The following AKR1D1 variants were observed in gnomAD, a reference collection of about 807,000 sequenced individuals.
The protein encoded by AKR1D1 is aldo-keto reductase family 1 member D1, also known as delta(4)-3-ketosteroid 5-beta-reductase.
AKR1D1 carries 32 observed loss-of-function variants against 42.6 expected under a neutral mutation model. The ratio of observed to expected loss-of-function variants is 0.75; its 90% CI spans 0.57 to 1.01. The LOEUF (loss-of-function observed/expected upper bound fraction) is 1.01, where lower values mean the gene tolerates loss of function less well. AKR1D1 is among the 50% of genes least tolerant of loss of function. AKR1D1 has a pLI of 0.00. For synonymous variants in AKR1D1, 123 were observed against 135.5 expected (o/e 0.91, Z 0.64); for missense variants, 364 against 402.2 (o/e 0.91, Z 0.81).
chr7:138,085,054 C>CAAAAA lies in AKR1D1; in HGVS notation c.94-3529_94-3525dup, dbSNP rs58253168. Among the ~76,000 whole-genome samples, 444 of 70,476 alleles carry CAAAAA rather than the reference C, an allele frequency of 6.3e-3. 31 individuals carry two copies. Among genetic ancestry groups the CAAAAA allele is most frequent in the African/African-American group, 0.02 (320 of 16,320 alleles). 46.2% of individuals were successfully genotyped at this position (70,476 alleles called of 152,430 possible). ...CTGGTGACAGAGTGAGACTCCGTCT[C>CAAAAA]AAAAAAAAAAAAAAAAAAAAAAGAA... On this transcript the variant is annotated intron_variant, in intron 1 of 8. Transcript: ENST00000242375.
chr7:138,086,493 T>C (rs972832373), intron 1 of AKR1D1, among the ~76,000 whole-genome samples: 1 of 152,244 alleles, frequency 6.6e-6, no homozygotes, highest in African/African-American at 2.4e-5. Flanking sequence ...ATGAATCTTA[T>C]AATATCATCT....
intron 4 of AKR1D1, among the ~76,000 whole-genome samples, chr7:138,104,098 A>G (rs1326935313): frequency 1.3e-5 from 2 of 152,148 alleles, no homozygotes; most frequent in Non-Finnish European, 2.9e-5. Context: ...AGATCCCACC[A>G]CAGCACTCCA....
intron 3 of AKR1D1, among the ~76,000 whole-genome samples, chr7:138,092,141 A>G (rs1794096709): frequency 6.6e-6 from 1 of 152,226 alleles, no homozygotes; most frequent in Admixed American, 6.5e-5. Flanking sequence ...TCTGACAAAT[A>G]CCCGAGAAGA....
chr7:138,100,287 T>A (rs901698376), intron 4 of AKR1D1, among the ~76,000 whole-genome samples: 10 of 151,762 alleles, frequency 6.6e-5, no homozygotes, highest in African/African-American at 2.4e-4. Flanking sequence ...AGATTTAAAC[T>A]CACTAATATC....
intron 7 of AKR1D1, among the ~76,000 whole-genome samples, chr7:138,107,846 A>G (rs559973060): frequency 3.3e-5 from 5 of 151,852 alleles, no homozygotes; most frequent in Admixed American, 6.6e-5. Flanking sequence ...TTTTTGTTTT[A>G]AATTTTTTTT....
intron 7 of AKR1D1, among the ~76,000 whole-genome samples, chr7:138,112,282 T>C (rs1399257882): frequency 6.6e-6 from 1 of 152,186 alleles, no homozygotes; most frequent in Non-Finnish European, 1.5e-5. Flanking sequence ...ATTTTTATAT[T>C]GTGCACATTT....
intron 2 of AKR1D1, among the ~76,000 whole-genome samples, chr7:138,091,053 C>T (rs1794065226): frequency 6.6e-6 from 1 of 152,192 alleles, no homozygotes; most frequent in African/African-American, 2.4e-5. Context: ...AAGTATCACG[C>T]TAGGTCAGGA....
intron 7 of AKR1D1, among the ~76,000 whole-genome samples, chr7:138,112,943 A>G (rs1169158939): frequency 6.6e-6 from 1 of 152,128 alleles, no homozygotes; most frequent in East Asian, 1.9e-4. Context: ...AAGGTAGAAG[A>G]GACATAAAAA....
intron 3 of AKR1D1, among the ~76,000 whole-genome samples, chr7:138,094,937 T>G (rs1309960589): frequency 6.6e-6 from 1 of 152,238 alleles, no homozygotes; most frequent in Non-Finnish European, 1.5e-5. Context: ...AACAAAATAT[T>G]AAAAATTATG....
At chr7:138,090,712 TG>T (rs2117432520) in intron 2 of AKR1D1, among the ~76,000 whole-genome samples, 1 of 151,898 alleles carries the variant, frequency 6.6e-6, no homozygotes, top group Non-Finnish European at 1.5e-5. Context: ...TGAGCAAAAC[TG>T]ATATTCCAAA....
intron 3 of AKR1D1, among the ~76,000 whole-genome samples, chr7:138,092,559 C>T (rs1794105191): frequency 6.6e-6 from 1 of 152,210 alleles, no homozygotes; most frequent in Non-Finnish European, 1.5e-5. Flanking sequence ...TGGTAGACTG[C>T]ATTACTTTTG....
intron 1 of AKR1D1, among the ~76,000 whole-genome samples, chr7:138,080,176 A>T (rs1803024072): frequency 6.6e-6 from 1 of 152,186 alleles, no homozygotes; most frequent in Non-Finnish European, 1.5e-5. Context: ...TTTTCCTAGT[A>T]TACAGCCATA....
chr7:138,085,509 A>G (rs1803154719), intron 1 of AKR1D1, among the ~76,000 whole-genome samples: 1 of 142,946 alleles, frequency 7.0e-6, no homozygotes, highest in African/African-American at 2.6e-5. Flanking sequence ...CAGTGGCATG[A>G]TCTCAGCTCA....
chr7:138,116,962 A>C lies in AKR1D1; in HGVS notation c.*300A>C. The stretch of plus-strand genomic sequence containing the variant: ...TCAGAAAAGACATCAAAGGCAACAT[A>C]TGACAACAAGTAATTTATGAATCTG... On this transcript the variant is annotated 3_prime_UTR_variant, in exon 9 of 9. Transcript: ENST00000242375. 2.8e-6 allele frequency: 1 copy of C among 360,358 alleles called. No individual in the cohort carries two copies. Among genetic ancestry groups the C allele is most frequent in the Non-Finnish European group, 5.1e-6 (1 of 197,848 alleles). The allele number at this position is 360,358 out of a possible 1,614,324, so 22.3% of individuals were successfully genotyped here.
chr7:138,104,166 A>T (rs1264005374), intron 4 of AKR1D1, among the ~76,000 whole-genome samples: 1 of 152,120 alleles, frequency 6.6e-6, no homozygotes, highest in East Asian at 1.9e-4. Flanking sequence ...ACATTAATAA[A>T]TCACCAGTAT....
chr7:138,105,902 A>ATC (rs1794415385), intron 5 of AKR1D1, among the ~76,000 whole-genome samples: 1 of 131,648 alleles, frequency 7.6e-6, no homozygotes, highest in African/African-American at 3.0e-5. Flanking sequence ...CAACAACAAC[A>ATC]AAAAAAAATC....
At chr7:138,094,294 C>T (rs1221511599) in intron 3 of AKR1D1, among the ~76,000 whole-genome samples, 2 of 152,124 alleles carry the variant, frequency 1.3e-5, no homozygotes, top group Non-Finnish European at 2.9e-5. Context: ...GCTGGCAGAT[C>T]ACTTGAGTCC....
chr7:138,093,968 C>T (rs930179594), intron 3 of AKR1D1, among the ~76,000 whole-genome samples: 3 of 152,182 alleles, frequency 2.0e-5, no homozygotes, highest in Admixed American at 2.0e-4. Flanking sequence ...TTATGCAGCA[C>T]ATGACTCTAC....
intron 4 of AKR1D1, among the ~76,000 whole-genome samples, chr7:138,099,917 AAG>A (rs1232069028): frequency 6.7e-6 from 1 of 148,270 alleles, no homozygotes; most frequent in Non-Finnish European, 1.5e-5. Flanking sequence ...TGGAGCACAA[AAG>A]AGGAAAGATG....
Sources: gnomAD v4.1 joint callset for allele counts (sites outside exome capture counted in the v4.1 genomes callset) on GRCh38, gnomAD v4.1.1 for gene constraint, MANE v1.5 for transcripts, NCBI Gene and HGNC (gene_info 2026-07-23, HGNC 2026-07-21) for gene names.